GARIN1B: variants seen among roughly 807,000 people sequenced by gnomAD.
GARIN1B encodes the protein golgi associated RAB2 interactor 1B, also known as Golgi-associated RAB2 interactor protein 1B.
At chr7:128,726,190 C>T in the GARIN1B span, among the ~76,000 whole-genome samples, 3 of 152,182 alleles carry the variant, frequency 2.0e-5, no homozygotes, top group African/African-American at 4.8e-5. Context: ...AGGGAAGTGA[C>T]GTGATCCAAT....
chr7:128,731,048 C>A, the GARIN1B span: 9 of 1,534,920 alleles, frequency 5.9e-6, no homozygotes, highest in Admixed American at 3.3e-5. Flanking sequence ...CACAAAAGAG[C>A]TTTTTAGGTA....
At chr7:128,710,341 CT>C in the GARIN1B span, among the ~76,000 whole-genome samples, 1 of 152,344 alleles carries the variant, frequency 6.6e-6, no homozygotes, top group African/African-American at 2.4e-5. Context: ...ACATTCTGTT[CT>C]TTTGCTAAAT....
chr7:128,729,246 T>C, the GARIN1B span, among the ~76,000 whole-genome samples: 3 of 152,250 alleles, frequency 2.0e-5, no homozygotes, highest in South Asian at 6.2e-4. Context: ...AAAAGAGACT[T>C]AAAATTGGAA....
chr7:128,717,916 A>C, the GARIN1B span, among the ~76,000 whole-genome samples: 2 of 152,070 alleles, frequency 1.3e-5, no homozygotes, highest in African/African-American at 4.8e-5. Context: ...AGAAATTCCC[A>C]AAAGTCCAAG....
At chr7:128,709,977 T>C in the GARIN1B span, among the ~76,000 whole-genome samples, 1 of 151,826 alleles carries the variant, frequency 6.6e-6, no homozygotes, top group Non-Finnish European at 1.5e-5. Flanking sequence ...GGTCTCGAAC[T>C]CCTAACCTCA....
the GARIN1B span, chr7:128,716,955 C>A: frequency 6.2e-7 from 1 of 1,613,744 alleles, no homozygotes; most frequent in Non-Finnish European, 8.5e-7. Flanking sequence ...CAGAACCAGA[C>A]ATGGAACAGA....
chr7:128,727,157 C>G, the GARIN1B span, among the ~76,000 whole-genome samples: 1 of 152,246 alleles, frequency 6.6e-6, no homozygotes, highest in African/African-American at 2.4e-5. Context: ...CTGTAGCACT[C>G]TTCCATAAGT....
chr7:128,729,631 T>C, the GARIN1B span, among the ~76,000 whole-genome samples: 1 of 152,220 alleles, frequency 6.6e-6, no homozygotes, highest in Non-Finnish European at 1.5e-5. Context: ...TTACTGGTGC[T>C]GTCTTGTTCA....
At chr7:128,715,208 C>T in the GARIN1B span, 8 of 983,200 alleles carry the variant, frequency 8.1e-6, no homozygotes, top group Admixed American at 4.3e-4. Flanking sequence ...CCTGGGGTTC[C>T]GAAAAGGGCT....
At chr7:128,723,282 A>T in the GARIN1B span, 1 of 1,613,086 alleles carries the variant, frequency 6.2e-7, no homozygotes, top group Non-Finnish European at 8.5e-7. Flanking sequence ...GCCCTGTCTC[A>T]GATTTTTGCC....
chr7:128,726,758 T>C, the GARIN1B span: 5 of 1,564,512 alleles, frequency 3.2e-6, no homozygotes, highest in Non-Finnish European at 4.4e-6. Flanking sequence ...GAACAAGATC[T>C]GAAATACAAA....
chr7:128,723,604 G>C, the GARIN1B span, among the ~76,000 whole-genome samples: 1 of 150,628 alleles, frequency 6.6e-6, no homozygotes, highest in South Asian at 2.1e-4. Flanking sequence ...CGTCGCCCAG[G>C]GTTCAAGCGA....
At chr7:128,722,857 A>C in the GARIN1B span, among the ~76,000 whole-genome samples, 1 of 152,160 alleles carries the variant, frequency 6.6e-6, no homozygotes, top group Non-Finnish European at 1.5e-5. Flanking sequence ...ATTCCCCTAC[A>C]TTTAAGTATA....
At chr7:128,722,594 A>G in the GARIN1B span, among the ~76,000 whole-genome samples, 1 of 152,272 alleles carries the variant, frequency 6.6e-6, no homozygotes, top group Non-Finnish European at 1.5e-5. Flanking sequence ...TCACGAGGTC[A>G]GGAGATCGAG....
chr7:128,712,288 G>A, the GARIN1B span, among the ~76,000 whole-genome samples: 1 of 152,060 alleles, frequency 6.6e-6, no homozygotes, highest in Non-Finnish European at 1.5e-5. Flanking sequence ...TATTTGTTAA[G>A]TTCTAGCATA....
At chr7:128,711,253 C>T in the GARIN1B span, among the ~76,000 whole-genome samples, 1 of 151,920 alleles carries the variant, frequency 6.6e-6, no homozygotes, top group Non-Finnish European at 1.5e-5. Context: ...AAAAGTTTAC[C>T]TTGAATCCAG....
the GARIN1B span, among the ~76,000 whole-genome samples, chr7:128,717,889 A>G: frequency 6.6e-6 from 1 of 151,828 alleles, no homozygotes. Flanking sequence ...AATCTGTAGG[A>G]TATCTCAAGA....
At chr7:128,715,448 T>C in the GARIN1B span, 1 of 1,613,916 alleles carries the variant, frequency 6.2e-7, no homozygotes, top group Non-Finnish European at 8.5e-7. Flanking sequence ...AGAAATGTTG[T>C]CATCATTTCC....
chr7:128,715,794 G>A, the GARIN1B span: 2 of 1,055,644 alleles, frequency 1.9e-6, no homozygotes, highest in Non-Finnish European at 1.4e-6. Context: ...AGTGAGAATT[G>A]AGGCAAGGAG....
Sources: gnomAD v4.1 joint callset for allele counts (sites outside exome capture counted in the v4.1 genomes callset) on GRCh38, gnomAD v4.1.1 for gene constraint, MANE v1.5 for transcripts, NCBI Gene and HGNC (gene_info 2026-07-23, HGNC 2026-07-21) for gene names.